UGT1A6: variants seen among roughly 807,000 people sequenced by gnomAD.
The protein encoded by UGT1A6 is UDP glucuronosyltransferase family 1 member A6, also known as UDP-glucuronosyltransferase 1A6.
A neutral mutation model predicts 44.4 loss-of-function variants in UGT1A6; 32 were observed. The observed-to-expected ratio is 0.72, with a 90% CI of 0.54 to 0.97. The LOEUF (loss-of-function observed/expected upper bound fraction) is 0.97, where lower values mean the gene tolerates loss of function less well. Among genes scored for constraint, UGT1A6 ranks in the 50% least tolerant of loss-of-function variants. UGT1A6 has a pLI of 0.00. For missense variants in UGT1A6, 685 were observed against 661.9 expected, an observed-to-expected ratio of 1.03 and a Z score of -0.38; for synonymous variants, 238 against 248.5, an observed-to-expected ratio of 0.96 and a Z score of 0.40.
chr2:233,719,170 T>G, intron 1 of UGT1A6: 1 of 1,614,246 alleles, frequency 6.2e-7, no homozygotes, highest in Non-Finnish European at 8.5e-7. Flanking sequence ...ATGGCAATTA[T>G]GAACAATGTA....
intron 1 of UGT1A6, among the ~76,000 whole-genome samples, chr2:233,720,072 T>C (rs1018749083): frequency 5.9e-5 from 9 of 152,264 alleles, no homozygotes; most frequent in African/African-American, 9.6e-5. Flanking sequence ...TAAATTAGAA[T>C]TGTGGACATG....
intron 1 of UGT1A6, among the ~76,000 whole-genome samples, chr2:233,735,497 T>A (rs1029127614): frequency 3.9e-5 from 6 of 152,204 alleles, no homozygotes; most frequent in African/African-American, 1.4e-4. Flanking sequence ...ATTGCAGCAT[T>A]TAGCCCATTT....
intron 1 of UGT1A6, among the ~76,000 whole-genome samples, chr2:233,714,873 C>T (rs1233346677): frequency 6.8e-6 from 1 of 147,574 alleles, no homozygotes; most frequent in South Asian, 2.2e-4. Context: ...AAAATTCTAT[C>T]TTTTAAATTT....
intron 1 of UGT1A6, among the ~76,000 whole-genome samples, chr2:233,722,696 T>G (rs1380432691): frequency 6.6e-6 from 1 of 152,188 alleles, no homozygotes; most frequent in African/African-American, 2.4e-5. Context: ...TTTCATTGCT[T>G]TTAGATAATT....
intron 1 of UGT1A6, among the ~76,000 whole-genome samples, chr2:233,758,056 A>C (rs1696785048): frequency 6.6e-6 from 1 of 152,062 alleles, no homozygotes; most frequent in Non-Finnish European, 1.5e-5. Context: ...GACCATTTCT[A>C]ACTTGACTTT....
At chr2:233,760,890 A>G (rs755957493) in intron 1 of UGT1A6, 1 of 1,614,048 alleles carries the variant, frequency 6.2e-7, no homozygotes, top group South Asian at 1.1e-5. Context: ...CCTCTCATTC[A>G]GATCACATGA....
chr2:233,729,883 T>G (rs1220265805), intron 1 of UGT1A6: 1 of 1,613,824 alleles, frequency 6.2e-7, no homozygotes, highest in Non-Finnish European at 8.5e-7. Flanking sequence ...CAGTCATGCA[T>G]CTGTGTGGCT....
At chr2:233,710,745 A>G (rs182447991) in intron 1 of UGT1A6, among the ~76,000 whole-genome samples, 230 of 152,356 alleles carry the variant, frequency 1.5e-3, no homozygotes, top group African/African-American at 5.5e-3. Context: ...TCAAGGAGCA[A>G]AAGTTGCAAG....
intron 1 of UGT1A6, among the ~76,000 whole-genome samples, chr2:233,704,117 C>T (rs2075768191): frequency 6.6e-6 from 1 of 151,996 alleles, no homozygotes; most frequent in South Asian, 2.1e-4. Flanking sequence ...TCTCAAACTC[C>T]TTACCTCAAG....
At chr2:233,713,179 T>C (rs3755321) in intron 1 of UGT1A6, 158,294 of 1,614,156 alleles carry the variant, frequency 0.098, 8,780 homozygotes, top group South Asian at 0.2. Flanking sequence ...GTCCTCACCC[T>C]GGAGGTGAAT....
At chr2:233,755,051 C>A in intron 1 of UGT1A6, 1 of 1,331,262 alleles carries the variant, frequency 7.5e-7, no homozygotes, top group East Asian at 4.6e-5. Flanking sequence ...AGCCGCCCTC[C>A]GCCCTCGCCT....
upstream of UGT1A6, chr2:233,692,718 T>G: frequency 2.5e-6 from 2 of 787,046 alleles, no homozygotes; most frequent in East Asian, 4.8e-5. Context: ...TTCAAAGTGT[T>G]GCTATAACTT....
intron 1 of UGT1A6, among the ~76,000 whole-genome samples, chr2:233,710,586 G>C (rs947455751): frequency 1.3e-5 from 2 of 152,000 alleles, no homozygotes; most frequent in Non-Finnish European, 2.9e-5. Flanking sequence ...AAAATCTTCC[G>C]CACACCTTTA....
intron 1 of UGT1A6, among the ~76,000 whole-genome samples, chr2:233,707,644 A>G (rs1415954935): frequency 1.3e-5 from 2 of 151,818 alleles, no homozygotes; most frequent in African/African-American, 4.8e-5. Context: ...CATTGTATGA[A>G]TACACCACAA....
chr2:233,693,186 C>G lies in UGT1A6; in HGVS notation c.182C>G (p.Pro61Arg). The G allele has an allele frequency of 1.9e-6, 3 of 1,614,092 alleles. No individual in the cohort carries two copies. The Middle Eastern group carries it at 4.9e-4, about 266-fold the overall frequency. Reference protein sequence around the residue: ...DRGHEIVVVVPEVNLLLKESK... With the variant: ...DRGHEIVVVVREVNLLLKESK... ...GGTCATGAGATTGTAGTGGTGGTGCCTGAAGTTAATTTGCTTTTGAAAGAA... is the reference window on the plus strand; with the variant it reads ...GGTCATGAGATTGTAGTGGTGGTGCGTGAAGTTAATTTGCTTTTGAAAGAA... Residue 61 changes from proline (P) to arginine (R), a missense_variant, in exon 1 of 5, where the codon CCT becomes CGT. Transcript: ENST00000305139.
Position 233,719,515 on chromosome 2 carries a change from C to A in UGT1A6, c.861+25650C>A, listed in dbSNP as rs764297894. The A allele has an allele frequency of 1.9e-6, 3 of 1,613,962 alleles. No individual in the cohort carries two copies. In the Admixed American group the frequency reaches 5.0e-5, roughly 27 times the overall value. On this transcript the variant is annotated intron_variant, in intron 1 of 4. Coordinates refer to ENST00000305139, the MANE Select transcript of UGT1A6 (RefSeq NM_001072.4). ...TGCCATACTTTTTCTGCCCCTTATG[C>A]AAGTCTTGCCTCTGAGCTTTTTCAG...
intron 1 of UGT1A6, among the ~76,000 whole-genome samples, chr2:233,706,498 G>T (rs908363242): frequency 7.2e-5 from 11 of 152,246 alleles, no homozygotes; most frequent in African/African-American, 2.4e-4. Context: ...GTCCAGGCTG[G>T]TGTGATGCTG....
At chr2:233,770,673 AAAG>A (rs1468674033) in intron 4 of UGT1A6, 2 of 152,078 alleles carry the variant, frequency 1.3e-5, no homozygotes, top group Admixed American at 6.6e-5. Context: ...AAAAAAAAAA[AAAG>A]AAGGTTCCAA....
rs773383083 is a variant in UGT1A6, at chr2:233,761,070, G to A, written c.862-5964G>A. 1.4e-5 allele frequency: 23 copies of A among 1,614,070 alleles called. No individual in the cohort carries two copies. The East Asian group carries it at 4.5e-4, about 31-fold the overall frequency. On this transcript the variant is annotated intron_variant, in intron 1 of 4. Transcript: ENST00000305139. ...TCTGGCTGTTTAGAAGTGACTTTGT[G>A]AAGGATTACCCTAGGCCCATCATGC...
Sources: gnomAD v4.1 joint callset for allele counts (sites outside exome capture counted in the v4.1 genomes callset) on GRCh38, gnomAD v4.1.1 for gene constraint, MANE v1.5 for transcripts, NCBI Gene and HGNC (gene_info 2026-07-23, HGNC 2026-07-21) for gene names.